KIF27: variants seen among roughly 807,000 people sequenced by gnomAD.
KIF27 encodes the protein kinesin-like protein KIF27.
Under a neutral mutation model 141.8 loss-of-function variants are expected in KIF27, and 84 were observed. The ratio of observed to expected loss-of-function variants is 0.59; its 90% confidence interval spans 0.50 to 0.71. The LOEUF (loss-of-function observed/expected upper bound fraction) is 0.71. Ranked by LOEUF, KIF27 falls within the 30% of genes least tolerant of loss-of-function variation. The pLI, the probability that KIF27 is intolerant of heterozygous loss-of-function variation, is 0.00. For synonymous variants in KIF27, 471 were observed against 569.5 expected (o/e 0.83, Z 2.46); for missense variants, 1,306 against 1,628.4 (o/e 0.80, Z 3.41).
chr9:83,899,409 T>C (rs1482054867), intron 5 of KIF27, among the ~76,000 whole-genome samples: 2 of 152,210 alleles, frequency 1.3e-5, no homozygotes, highest in Non-Finnish European at 2.9e-5. Flanking sequence ...AAAATAACCA[T>C]GATATGATTT....
intron 13 of KIF27, among the ~76,000 whole-genome samples, chr9:83,862,545 G>A: frequency 6.6e-6 from 1 of 152,088 alleles, no homozygotes. Context: ...TCTCTGTTTT[G>A]GTACCAGTAC....
chr9:83,850,152 A>G lies in KIF27; in HGVS notation c.3503T>C (p.Leu1168Pro). The change falls in exon 16 of 18, where the codon CTC becomes CCC. Residue 1168 changes from leucine (L) to proline (P), a missense_variant. By Grantham distance (98) the Leu-to-Pro change is moderately conservative. Around this residue, in one of 4 missense-constraint regions of KIF27, gnomAD observed 596 missense variants for 751.6 expected, o/e 0.79. Coordinates refer to ENST00000297814, the MANE Select transcript of KIF27 (RefSeq NM_017576.4). ...CTTTTGTTCGTGTTCCTTTTGCTGG[A>G]GGGTCAGTCTCCGGTCACACTGCAA... ...LKLQCDRRLT[L>P]QQKEHEQKMQ... 1 of 1,613,910 alleles carries G rather than the reference A, an allele frequency of 6.2e-7. No homozygotes were observed. Among genetic ancestry groups the G allele is most frequent in the Non-Finnish European group, 8.5e-7 (1 of 1,179,838 alleles).
chr9:83,897,323 T>A (rs117508782), intron 5 of KIF27, among the ~76,000 whole-genome samples: 1 of 152,124 alleles, frequency 6.6e-6, no homozygotes, highest in Non-Finnish European at 1.5e-5. Context: ...CATGCACAAA[T>A]GGACCTTGAT....
chr9:83,908,664 G>C lies in KIF27; in HGVS notation c.299-12C>G. On this transcript the variant is annotated splice_polypyrimidine_tract_variant and intron_variant, in intron 2 of 17. Coordinates refer to ENST00000297814, the MANE Select transcript of KIF27 (RefSeq NM_017576.4). ...CTCCACAACTGAAGCTGAAAATTTA[G>C]AAAAAGAAAGCACATCTGGAACTTA... 1 of 1,546,820 alleles carries C rather than the reference G, an allele frequency of 6.5e-7. No homozygotes were observed. Among genetic ancestry groups the C allele is most frequent in the Non-Finnish European group, 8.8e-7 (1 of 1,142,504 alleles).
At position 83,889,069 on chromosome 9, in the gene KIF27, G is replaced by A. The variant is rs1291656462; in HGVS notation, c.1979+15C>T. 1.5e-5 allele frequency: 24 copies of A among 1,599,296 alleles called. No individual in the cohort carries two copies. The Middle Eastern group carries it at 6.7e-4, about 44-fold the overall frequency. On this transcript the variant is annotated intron_variant, in intron 7 of 17. Transcript: ENST00000297814. The stretch of plus-strand genomic sequence containing the variant: ...AATTCTAAATATTTATTAAATCAGT[G>A]TATATTTAACATACCTAGTTCCAGA...
At position 83,848,092 on chromosome 9, in the gene KIF27, T is replaced by C; in HGVS notation, c.3556+2007A>G. Among the ~76,000 whole-genome samples, 4 of 63,482 alleles carry C rather than the reference T, an allele frequency of 6.3e-5. 2 individuals carry two copies. The highest frequency in any genetic ancestry group is 1.1e-4 in the Non-Finnish European group (4 of 35,942). 41.6% of individuals were successfully genotyped at this position (63,482 alleles called of 152,430 possible). ...TATGATATATGATATATCATATATA[T>C]GATATATATGATATCTCATATCTGA... On this transcript the variant is annotated intron_variant, in intron 16 of 17. Transcript: ENST00000297814.
chr9:83,847,782 T>C (rs1334563568), intron 16 of KIF27: 3 of 151,992 alleles, frequency 2.0e-5, no homozygotes, highest in African/African-American at 4.8e-5. Flanking sequence ...CCAGCCTGCA[T>C]CTTTCTCCCA....
rs199580739 is a variant in KIF27 at position 83,852,121 on chromosome 9, GA to G, written c.3357+1507del. 6.9e-5 allele frequency among the ~76,000 whole-genome samples: 10 copies of G among 144,632 alleles called. No individual in the cohort carries two copies. In the East Asian group the frequency reaches 8.2e-4, roughly 12 times the overall value. 94.9% of individuals were successfully genotyped at this position (144,632 alleles called of 152,430 possible). A position where few individuals can be genotyped will look rare whatever the true frequency, so the allele number is the denominator to read the frequency against. ...CAACAGAGTGAGAGTCCATCTCAGG[GA>G]AAAAAAAAATAAAAGAACAGCATAA... is the stretch of plus-strand genomic sequence containing the variant. On this transcript the variant is annotated intron_variant, in intron 15 of 17. Transcript: ENST00000297814.
rs576666716 is a variant in KIF27 at position 83,869,046 on chromosome 9, G to A, written c.2758-1186C>T. On this transcript the variant is annotated intron_variant, in intron 12 of 17. Coordinates refer to ENST00000297814, the MANE Select transcript of KIF27 (RefSeq NM_017576.4). ...ACAAACATTCTTAAACTGTGAGTGG[G>A]GTTTGAAAGATGAATAAGAGATTCT... is the stretch of plus-strand genomic sequence containing the variant. Among the ~76,000 whole-genome samples, 162 of 152,032 alleles carry A rather than the reference G, an allele frequency of 1.1e-3. 1 individual carries two copies. The highest frequency in any genetic ancestry group is 3.8e-3 in the African/African-American group (158 of 41,470).
At chr9:83,854,469 A>C (rs1948959594) in intron 14 of KIF27, among the ~76,000 whole-genome samples, 1 of 152,226 alleles carries the variant, frequency 6.6e-6, no homozygotes, top group Admixed American at 6.5e-5. Flanking sequence ...ATTAGAAGGA[A>C]AATGTAGGTG....
chr9:83,895,341 A>G (rs1179892758), intron 5 of KIF27, among the ~76,000 whole-genome samples: 1 of 152,182 alleles, frequency 6.6e-6, no homozygotes, highest in Non-Finnish European at 1.5e-5. Context: ...CATATGATAA[A>G]GAAAAATCAT....
At chr9:83,904,350 A>C (rs1954265636) in intron 3 of KIF27, among the ~76,000 whole-genome samples, 1 of 151,986 alleles carries the variant, frequency 6.6e-6, no homozygotes. Flanking sequence ...CAGTCTTTTG[A>C]TTTGTAAAGC....
rs779367580 is a variant in KIF27, at chr9:83,908,539, C to T, written c.412G>A (p.Val138Met). The T allele has an allele frequency of 1.2e-6, 2 of 1,610,406 alleles. No homozygotes were observed. The highest frequency in any genetic ancestry group is 2.2e-5 in the South Asian group (2 of 90,892). The change falls in exon 3 of 18, where the codon GTG (valine) becomes ATG (methionine). Residue 138 changes from valine (V) to methionine (M), a missense_variant. Coordinates refer to ENST00000297814, the MANE Select transcript of KIF27 (RefSeq NM_017576.4). ...DFNVKVSYIE[V>M]YKEDLRDLLE... Reference sequence around the variant, plus strand: ...AGATCTCTTAGGTCTTCCTTGTACACTTCTATATAAGATACTTTTACATTA... The same window carrying T: ...AGATCTCTTAGGTCTTCCTTGTACATTTCTATATAAGATACTTTTACATTA...
At chr9:83,896,412 A>G (rs952884277) in intron 5 of KIF27, among the ~76,000 whole-genome samples, 1 of 152,222 alleles carries the variant, frequency 6.6e-6, no homozygotes, top group African/African-American at 2.4e-5. Context: ...AAATTAGTAC[A>G]GTTCCACATA....
In KIF27 at chr9:83,836,492, C is replaced by A. The variant is rs1474599297; in HGVS notation, c.*509G>T. 6.6e-6 allele frequency among the ~76,000 whole-genome samples: 1 copy of A among 152,036 alleles called. No individual in the cohort carries two copies. The highest frequency in any genetic ancestry group is 1.5e-5 in the Non-Finnish European group (1 of 68,022). On this transcript the variant is annotated 3_prime_UTR_variant, in exon 18 of 18. Transcript: ENST00000297814. ...TGACCGTTTCTGTGAGTTCTGAGGA[C>A]TGTAAATGAGCCTCAATCCATAAAG...
At chr9:83,879,361 G>T (rs1188754153) in intron 11 of KIF27, among the ~76,000 whole-genome samples, 1 of 149,980 alleles carries the variant, frequency 6.7e-6, no homozygotes, top group Non-Finnish European at 1.5e-5. Context: ...ATCCATTGTT[G>T]AAAATCTAGG....
chr9:83,886,762 A>C lies in KIF27; in HGVS notation c.2239+279T>G, dbSNP rs1952145867. 2.0e-5 allele frequency among the ~76,000 whole-genome samples: 3 copies of C among 152,172 alleles called. No individual in the cohort carries two copies. The South Asian group carries it at 6.2e-4, about 32-fold the overall frequency. ...CAGAGTGAGACCCTGTTTCAAAAAA[A>C]TAAAATAAACATGTTGTAACTGGTA... On this transcript the variant is annotated intron_variant, in intron 9 of 17. Transcript: ENST00000297814.
chr9:83,864,168 T>C (rs7850288), intron 13 of KIF27, among the ~76,000 whole-genome samples: 24,097 of 152,164 alleles, frequency 0.16, 2,134 homozygotes, highest in African/African-American at 0.23. Flanking sequence ...TGTGTCTTTA[T>C]CTCCTTCAGT....
At chr9:83,857,004 T>C (rs868441684) in intron 14 of KIF27, among the ~76,000 whole-genome samples, 10 of 151,484 alleles carry the variant, frequency 6.6e-5, no homozygotes, top group Non-Finnish European at 8.8e-5. Flanking sequence ...TCCTCCCTAC[T>C]TATTAAGCAA....
Sources: allele counts gnomAD v4.1 joint callset (sites outside exome capture counted in the v4.1 genomes callset), GRCh38; gene constraint gnomAD v4.1.1; regional missense constraint gnomAD v4.1.1; transcripts MANE v1.5; gene names NCBI Gene and HGNC (gene_info 2026-07-23, HGNC 2026-07-21).